Variants in PSD3 observed in about 807,000 individuals in gnomAD.
PSD3 encodes the protein PH and SEC7 domain-containing protein 3.
In PSD3, 49 loss-of-function variants were observed where a neutral mutation model predicts 105.5. The observed-to-expected ratio is 0.46, with a 90% CI of 0.37 to 0.59. The LOEUF is 0.59. Among genes scored for constraint, PSD3 ranks in the 20% least tolerant of loss-of-function variants. The pLI is 0.00. For missense variants in PSD3, 1,561 were observed against 1,263.8 expected, an observed-to-expected ratio of 1.24 and a Z score of -3.57; for synonymous variants, 557 against 457.8, an observed-to-expected ratio of 1.22 and a Z score of -2.77.
chr8:18,881,286 T>C (rs1212641027), intron 2 of PSD3, among the ~76,000 whole-genome samples: 1 of 152,204 alleles, frequency 6.6e-6, no homozygotes, highest in East Asian at 1.9e-4. Flanking sequence ...TAAGTAGTCA[T>C]CTGTTTCTGG....
chr8:18,683,940 G>A (rs1670883200), intron 9 of PSD3: 1 of 761,128 alleles, frequency 1.3e-6, no homozygotes, highest in Non-Finnish European at 2.4e-6. Flanking sequence ...CATTTTCGAA[G>A]GTCAACTAAG....
At chr8:18,968,862 C>CA (rs200852174) in intron 1 of PSD3, among the ~76,000 whole-genome samples, 1,424 of 35,454 alleles carry the variant, frequency 0.04, 45 homozygotes, top group African/African-American at 0.14. Context: ...CGTGACAGAG[C>CA]AAAAAAAAAA....
At chr8:18,715,336 C>T (rs1802515346) in intron 9 of PSD3, among the ~76,000 whole-genome samples, 4 of 151,724 alleles carry the variant, frequency 2.6e-5, no homozygotes, top group African/African-American at 7.3e-5. Flanking sequence ...TAATAGGTTA[C>T]AATCTACACT....
intron 1 of PSD3, among the ~76,000 whole-genome samples, chr8:19,037,586 C>T (rs574248178): frequency 1.3e-5 from 2 of 152,310 alleles, no homozygotes; most frequent in South Asian, 4.1e-4. Context: ...ATCATCCTCA[C>T]CAATATGAAT....
chr8:18,767,626 A>T (rs1807123339), intron 8 of PSD3, among the ~76,000 whole-genome samples: 2 of 152,112 alleles, frequency 1.3e-5, no homozygotes, highest in African/African-American at 4.8e-5. Context: ...GGCCGCCTGT[A>T]ACTCCAGCTA....
At chr8:18,898,890 G>A (rs1230195195) in intron 2 of PSD3, among the ~76,000 whole-genome samples, 1 of 152,142 alleles carries the variant, frequency 6.6e-6, no homozygotes, top group Non-Finnish European at 1.5e-5. Context: ...GGAAGCAAGA[G>A]AGGCAGGCAC....
At chr8:19,030,502 A>T (rs1402414710) in intron 1 of PSD3, among the ~76,000 whole-genome samples, 1 of 151,890 alleles carries the variant, frequency 6.6e-6, no homozygotes, top group East Asian at 1.9e-4. Flanking sequence ...TTCTCATGAG[A>T]TATGGTTACT....
intron 9 of PSD3, among the ~76,000 whole-genome samples, chr8:18,707,322 C>T (rs1005746502): frequency 6.6e-6 from 1 of 152,130 alleles, no homozygotes; most frequent in African/African-American, 2.4e-5. Context: ...AATATCAGCT[C>T]CTTGAAGTTT....
chr8:18,859,409 C>T (rs1233307367), intron 4 of PSD3, among the ~76,000 whole-genome samples: 1 of 152,122 alleles, frequency 6.6e-6, no homozygotes, highest in Non-Finnish European at 1.5e-5. Flanking sequence ...AAAATGAGCA[C>T]TAACTTCAAT....
intron 2 of PSD3, among the ~76,000 whole-genome samples, chr8:18,917,725 T>TTTTTTTTC (rs1277392889): frequency 1.3e-5 from 2 of 151,946 alleles, no homozygotes; most frequent in Non-Finnish European, 2.9e-5. Context: ...GCATTCCTGC[T>TTTTTTTTC]CTCAGGAACG....
chr8:18,946,749 A>T (rs1822879935), intron 1 of PSD3, among the ~76,000 whole-genome samples: 1 of 151,642 alleles, frequency 6.6e-6, no homozygotes, highest in African/African-American at 2.4e-5. Context: ...AAAAAAAAAT[A>T]CAAAAGTTAG....
At chr8:18,758,977 T>C (rs1307293156) in intron 9 of PSD3, among the ~76,000 whole-genome samples, 1 of 152,026 alleles carries the variant, frequency 6.6e-6, no homozygotes, top group Non-Finnish European at 1.5e-5. Flanking sequence ...TATGTAACAA[T>C]TTAATTCACT....
intron 4 of PSD3, among the ~76,000 whole-genome samples, chr8:18,841,026 A>G (rs1356935696): frequency 6.6e-6 from 1 of 152,170 alleles, no homozygotes; most frequent in African/African-American, 2.4e-5. Flanking sequence ...ATCATGCTCT[A>G]TTTTAAAAGT....
chr8:18,608,742 C>T lies in PSD3; in HGVS notation c.2411-8308G>A, dbSNP rs563247048. Among the ~76,000 whole-genome samples the T allele has an allele frequency of 1.4e-4, 21 of 152,062 alleles. 1 individual carries two copies. The highest frequency in any genetic ancestry group is 4.2e-4 in the South Asian group (2 of 4,814). ...TTCTAAACAATAAAATATTCATTAA[C>T]GAGTAATAATGGATTTATGCCAGAA... is the stretch of plus-strand genomic sequence containing the variant. On this transcript the variant is annotated intron_variant, in intron 11 of 15. Transcript: ENST00000327040.
intron 1 of PSD3, among the ~76,000 whole-genome samples, chr8:19,069,308 G>A (rs552325120): frequency 6.6e-6 from 1 of 152,252 alleles, no homozygotes; most frequent in East Asian, 1.9e-4. Flanking sequence ...GAGTAAGGCA[G>A]TTTCCACAAG....
At chr8:18,986,574 A>T in intron 1 of PSD3, among the ~76,000 whole-genome samples, 1 of 151,938 alleles carries the variant, frequency 6.6e-6, no homozygotes, top group East Asian at 1.9e-4. Context: ...AAAAAAAAAA[A>T]GTTCAATGTT....
intron 1 of PSD3, among the ~76,000 whole-genome samples, chr8:18,987,657 A>C (rs1391273574): frequency 2.0e-5 from 3 of 152,098 alleles, no homozygotes; most frequent in Non-Finnish European, 1.5e-5. Context: ...ATCTCTACAG[A>C]TAATTTTTAA....
At chr8:18,952,892 G>T (rs1823329686) in intron 1 of PSD3, among the ~76,000 whole-genome samples, 1 of 152,100 alleles carries the variant, frequency 6.6e-6, no homozygotes, top group Admixed American at 6.6e-5. Flanking sequence ...ATAAAATCGA[G>T]AATGACCACC....
intron 1 of PSD3, among the ~76,000 whole-genome samples, chr8:19,081,316 C>T (rs1586704916): frequency 6.6e-6 from 1 of 152,228 alleles, no homozygotes; most frequent in Non-Finnish European, 1.5e-5. Context: ...CTCCCACCCT[C>T]TCCACCAGAG....
Sources: gnomAD v4.1 joint callset for allele counts (sites outside exome capture counted in the v4.1 genomes callset) on GRCh38, gnomAD v4.1.1 for gene constraint, MANE v1.5 for transcripts, NCBI Gene and HGNC (gene_info 2026-07-23, HGNC 2026-07-21) for gene names.